The following PRIM2 variants were observed in gnomAD, a reference collection of about 807,000 sequenced individuals.
PRIM2 encodes DNA primase large subunit.
In PRIM2, 39 loss-of-function variants were observed where a neutral mutation model predicts 67.3. The ratio of observed to expected loss-of-function variants is 0.58; its 90% CI spans 0.45 to 0.76. The LOEUF is 0.76. Ranked by LOEUF, PRIM2 falls within the 30% of genes least tolerant of loss-of-function variation. The pLI, the probability that PRIM2 is intolerant of heterozygous loss-of-function variation, is 0.00. For synonymous variants in PRIM2, 143 were observed against 198.7 expected (o/e 0.72, Z 2.36); for missense variants, 398 against 598.7 (o/e 0.66, Z 3.50).
chr6:57,400,258 T>C (rs1360374182), intron 7 of PRIM2, among the ~76,000 whole-genome samples: 2 of 152,238 alleles, frequency 1.3e-5, no homozygotes, highest in African/African-American at 4.8e-5. Context: ...CCTTTCTATA[T>C]ATAATGCTCC....
At chr6:57,469,702 T>G (rs1207118646) in intron 7 of PRIM2, among the ~76,000 whole-genome samples, 1 of 152,168 alleles carries the variant, frequency 6.6e-6, no homozygotes, top group East Asian at 1.9e-4. Flanking sequence ...TTTCAATATT[T>G]TAACAGAAGG....
At chr6:57,470,630 G>A (rs1269822269) in intron 7 of PRIM2, among the ~76,000 whole-genome samples, 1 of 151,454 alleles carries the variant, frequency 6.6e-6, no homozygotes, top group Non-Finnish European at 1.5e-5. Context: ...ATCTTTAAAT[G>A]ACGTTGAGAT....
At chr6:57,311,241 C>T (rs11962792), upstream of PRIM2, among the ~76,000 whole-genome samples, 23,038 of 122,160 alleles carry the variant, frequency 0.19, 2,720 homozygotes, top group East Asian at 0.4. Context: ...ACCTCCCGGA[C>T]GGGGCATCCG....
rs1776558989 is a variant in PRIM2 at position 57,606,228 on chromosome 6, A to T, written c.1148-147A>T. The T allele has an allele frequency of 4.7e-6, 3 of 634,510 alleles. No homozygotes were observed. In the South Asian group the frequency reaches 5.7e-5, roughly 12 times the overall value. The allele number at this position is 634,510 out of a possible 1,614,324, so 39.3% of individuals were successfully genotyped here. Reference sequence around the variant, plus strand: ...GTAATCATTTAGATAAAAAGAGGAAAGCAGTTGCACCCATGGGCAATTACC... The same window carrying T: ...GTAATCATTTAGATAAAAAGAGGAATGCAGTTGCACCCATGGGCAATTACC... On this transcript the variant is annotated intron_variant, in intron 11 of 13. Coordinates refer to ENST00000615550, the MANE Select transcript of PRIM2 (RefSeq NM_000947.5).
rs1338309871 is a variant in PRIM2 at position 57,532,560 on chromosome 6, G to C, written c.834+77G>C. 1.5e-4 allele frequency: 87 copies of C among 582,068 alleles called. No homozygotes were observed. In the East Asian group the frequency reaches 2.7e-3, roughly 18 times the overall value. 36.1% of individuals were successfully genotyped at this position (582,068 alleles called of 1,614,324 possible). A position where few individuals can be genotyped will look rare whatever the true frequency, so the allele number is the denominator to read the frequency against. On this transcript the variant is annotated intron_variant, in intron 9 of 13. Transcript: ENST00000615550. Reference sequence around the variant, plus strand: ...GATTTTCTTAAATCAAAGACTTTTGGGTGAGGAGATAGAATATTATTTCAC... The same window carrying C: ...GATTTTCTTAAATCAAAGACTTTTGCGTGAGGAGATAGAATATTATTTCAC...
intron 12 of PRIM2, among the ~76,000 whole-genome samples, chr6:57,611,030 A>G (rs1776656723): frequency 6.6e-6 from 1 of 152,212 alleles, no homozygotes; most frequent in African/African-American, 2.4e-5. Flanking sequence ...AAGATTGGAA[A>G]AGAAGAAAGA....
chr6:57,500,971 T>C (rs1399964645), intron 7 of PRIM2, among the ~76,000 whole-genome samples: 2 of 152,234 alleles, frequency 1.3e-5, no homozygotes, highest in African/African-American at 4.8e-5. Flanking sequence ...CTTTCTTGGA[T>C]TGAATCCAAG....
chr6:57,263,083 T>A, the PRIM2 span, among the ~76,000 whole-genome samples: 285 of 152,306 alleles, frequency 1.9e-3, 2 homozygotes, highest in African/African-American at 6.7e-3. Context: ...GGATTCTCAA[T>A]GGTTGATGAA....
chr6:57,558,660 A>AATAT (rs1193210791), intron 10 of PRIM2, among the ~76,000 whole-genome samples: 251 of 150,916 alleles, frequency 1.7e-3, no homozygotes, highest in African/African-American at 5.5e-3. Context: ...TATCTTTCTT[A>AATAT]ATATATATAT....
intron 10 of PRIM2, among the ~76,000 whole-genome samples, chr6:57,561,304 T>G (rs1413943709): frequency 6.6e-6 from 1 of 152,138 alleles, no homozygotes; most frequent in Non-Finnish European, 1.5e-5. Flanking sequence ...TGATCTGGGC[T>G]CACTGGAACC....
intron 12 of PRIM2, among the ~76,000 whole-genome samples, chr6:57,626,624 CTTT>C (rs1159199798): frequency 3.7e-5 from 5 of 133,988 alleles, no homozygotes; most frequent in Admixed American, 7.6e-5. Context: ...AACTGCATTG[CTTT>C]TTTTTTTTTT....
At chr6:57,549,835 C>G (rs1775364042) in intron 10 of PRIM2, among the ~76,000 whole-genome samples, 1 of 152,100 alleles carries the variant, frequency 6.6e-6, no homozygotes, top group Non-Finnish European at 1.5e-5. Flanking sequence ...CCTGTAATCC[C>G]AGCACTTTGG....
In PRIM2 at chr6:57,448,781, A is replaced by AG. The variant is rs370930200; in HGVS notation, c.694-58602dup. On this transcript the variant is annotated intron_variant, in intron 7 of 13. Transcript: ENST00000615550. Reference sequence around the variant, plus strand: ...ATTACACTCGGTCAGCATGACTTATAGGGGTGCATAACTTAGCCCTTGTCT... The same window carrying AG: ...ATTACACTCGGTCAGCATGACTTATAGGGGGTGCATAACTTAGCCCTTGTCT... Among the ~76,000 whole-genome samples the AG allele has an allele frequency of 1.6e-3, 241 of 152,344 alleles. 1 individual carries two copies. Among genetic ancestry groups the AG allele is most frequent in the Middle Eastern group, 0.01 (3 of 294 alleles).
the PRIM2 span, among the ~76,000 whole-genome samples, chr6:57,225,796 A>G: frequency 6.6e-6 from 1 of 152,206 alleles, no homozygotes; most frequent in Non-Finnish European, 1.5e-5. Flanking sequence ...ACCACTTAGA[A>G]TATAAGTCTG....
chr6:57,621,894 T>C (rs1776863000), intron 12 of PRIM2, among the ~76,000 whole-genome samples: 2 of 152,196 alleles, frequency 1.3e-5, no homozygotes, highest in African/African-American at 4.8e-5. Flanking sequence ...CCCTCAGCAT[T>C]TGTTTATCTG....
the PRIM2 span, among the ~76,000 whole-genome samples, chr6:57,303,054 A>G: frequency 6.6e-6 from 1 of 152,168 alleles, no homozygotes; most frequent in African/African-American, 2.4e-5. Flanking sequence ...TTTTTATGTC[A>G]TTGTTATTGC....
At chr6:57,240,091 G>GTTTTTTT in the PRIM2 span, among the ~76,000 whole-genome samples, 106 of 89,996 alleles carry the variant, frequency 1.2e-3, 3 homozygotes, top group African/African-American at 4.3e-3. Flanking sequence ...TCAATAATCT[G>GTTTTTTT]TTTTTTTTTT....
chr6:57,297,999 G>T, the PRIM2 span, among the ~76,000 whole-genome samples: 1 of 152,160 alleles, frequency 6.6e-6, no homozygotes, highest in African/African-American at 2.4e-5. Flanking sequence ...AAGGTCGATA[G>T]GTAATTTTTG....
chr6:57,545,738 C>T (rs1320330978), intron 10 of PRIM2, among the ~76,000 whole-genome samples: 1 of 152,122 alleles, frequency 6.6e-6, no homozygotes, highest in Non-Finnish European at 1.5e-5. Context: ...CTGGCCCCTC[C>T]AAGACCTTAT....
Sources: allele counts gnomAD v4.1 joint callset (sites outside exome capture counted in the v4.1 genomes callset), GRCh38; gene constraint gnomAD v4.1.1; transcripts MANE v1.5; gene names NCBI Gene and HGNC (gene_info 2026-07-23, HGNC 2026-07-21).